Variants in SNX4 observed in about 807,000 individuals in gnomAD.
SNX4 encodes sorting nexin-4.
In SNX4, 49 loss-of-function variants were observed where a neutral mutation model predicts 70.8. That is an observed-to-expected ratio of 0.69 (90% CI 0.55 to 0.88). SNX4 has a LOEUF of 0.88. SNX4 is among the 40% of genes least tolerant of loss of function. The probability of loss-of-function intolerance (pLI) is 0.00; values close to 1 mark genes in which losing one functional copy is unlikely to be tolerated. For synonymous variants in SNX4, 206 were observed against 183.8 expected, an observed-to-expected ratio of 1.12 and a Z score of -0.98; for missense variants, 528 against 544.8, an observed-to-expected ratio of 0.97 and a Z score of 0.31.
chr3:125,448,598 A>G (rs1579966860), intron 13 of SNX4, among the ~76,000 whole-genome samples: 1 of 151,512 alleles, frequency 6.6e-6, no homozygotes, highest in South Asian at 2.1e-4. Flanking sequence ...GCACAGTTAT[A>G]GATGGCCTAA....
At chr3:125,463,661 TTAAAGTATAATTA>T (rs1468560069) in intron 9 of SNX4, among the ~76,000 whole-genome samples, 2 of 152,178 alleles carry the variant, frequency 1.3e-5, no homozygotes, top group Non-Finnish European at 2.9e-5. Context: ...TCTCCTAGCT[TTAAAGTATAATTA>T]AAGAACTGTA....
intron 2 of SNX4, among the ~76,000 whole-genome samples, chr3:125,499,502 A>T (rs1934878624): frequency 6.6e-6 from 1 of 152,338 alleles, no homozygotes; most frequent in South Asian, 2.1e-4. Context: ...ATGAAATGCA[A>T]AATTCACAAA....
At chr3:125,450,895 T>C (rs1933553529) in intron 13 of SNX4, among the ~76,000 whole-genome samples, 1 of 152,212 alleles carries the variant, frequency 6.6e-6, no homozygotes, top group South Asian at 2.1e-4. Context: ...GTATATATTC[T>C]CAAATACAAG....
intron 9 of SNX4, among the ~76,000 whole-genome samples, chr3:125,467,354 T>A (rs1934053726): frequency 6.6e-6 from 1 of 151,950 alleles, no homozygotes; most frequent in Admixed American, 6.6e-5. Context: ...GCCACGGCAC[T>A]CCAGCCTGGG....
intron 1 of SNX4, 80 bp downstream of exon 1, chr3:125,519,952 C>CGGCCA: frequency 9.0e-7 from 1 of 1,114,940 alleles, no homozygotes; most frequent in African/African-American, 1.7e-5. Context: ...CGGCCCGGCC[C>CGGCCA]AGCCCAGCCC....
chr3:125,477,136 T>C (rs1934305557), intron 7 of SNX4, among the ~76,000 whole-genome samples: 1 of 152,200 alleles, frequency 6.6e-6, no homozygotes, highest in Non-Finnish European at 1.5e-5. Context: ...GATTCAGTTA[T>C]TCTTAATTTT....
intron 10 of SNX4, 44 bp from the exon 11 acceptor site, chr3:125,457,409 A>C (rs749447557): frequency 7.0e-7 from 1 of 1,427,888 alleles, no homozygotes; most frequent in Non-Finnish European, 9.9e-7. Context: ...TTCCTTTAAC[A>C]TGTCAAACAT....
rs763677376 is a variant in SNX4, at chr3:125,497,817, A to T, written c.549+17T>A. 6 of 1,544,554 alleles carry T rather than the reference A, an allele frequency of 3.9e-6. No homozygotes were observed. The East Asian group carries it at 1.4e-4, about 35-fold the overall frequency. On this transcript the variant is annotated intron_variant, in intron 4 of 13. Coordinates refer to ENST00000251775, the MANE Select transcript of SNX4 (RefSeq NM_003794.4). ...ATTAAATGAATATTTTACTAAGACT[A>T]AATAAAAGAAAAATACCTGTGTTAA...
chr3:125,511,372 AT>A (rs1007489212), intron 1 of SNX4, among the ~76,000 whole-genome samples: 73 of 148,356 alleles, frequency 4.9e-4, no homozygotes, highest in South Asian at 1.1e-3. Flanking sequence ...AGTTAGCATA[AT>A]TTTTTTTTTT....
intron 5 of SNX4, among the ~76,000 whole-genome samples, chr3:125,496,807 ATAAAACT>A (rs1934802870): frequency 6.6e-6 from 1 of 152,202 alleles, no homozygotes; most frequent in African/African-American, 2.4e-5. Context: ...CCACTAACAG[ATAAAACT>A]TAGAACTATT....
At chr3:125,453,689 G>A (rs1225471378) in intron 12 of SNX4, 121 bp downstream of exon 12, 13 of 905,198 alleles carry the variant, frequency 1.4e-5, no homozygotes, top group Non-Finnish European at 2.1e-5. Flanking sequence ...TAAAGGAATA[G>A]GCTGTATTCA....
At chr3:125,486,767 T>C (rs543125094) in intron 6 of SNX4, among the ~76,000 whole-genome samples, 3 of 152,240 alleles carry the variant, frequency 2.0e-5, no homozygotes, top group Non-Finnish European at 2.9e-5. Flanking sequence ...AAGAAAAATA[T>C]ACAAGCCAGG....
Position 125,497,407 on chromosome 3 carries a change from T to C in SNX4, c.550-19A>G, listed in dbSNP as rs770731873. On this transcript the variant is annotated intron_variant, in intron 4 of 13. Coordinates refer to ENST00000251775, the MANE Select transcript of SNX4 (RefSeq NM_003794.4). ...TACCTTCCTAAAAATTGAAGTTAAT[T>C]TTAGAAATCATTATTGCAAAGCAAA... is the stretch of plus-strand genomic sequence containing the variant. The C allele has an allele frequency of 2.0e-6, 3 of 1,517,440 alleles. No individual in the cohort carries two copies. The highest frequency in any genetic ancestry group is 2.7e-6 in the Non-Finnish European group (3 of 1,092,958). The allele number at this position is 1,517,440 out of a possible 1,614,324, so 94.0% of individuals were successfully genotyped here.
chr3:125,453,075 T>C (rs1253307135), intron 12 of SNX4, among the ~76,000 whole-genome samples: 1 of 152,162 alleles, frequency 6.6e-6, no homozygotes, highest in Non-Finnish European at 1.5e-5. Flanking sequence ...AGTCAAACAG[T>C]GATAGTGGGT....
In SNX4 at chr3:125,451,301, C is replaced by A; in HGVS notation, c.1305+4G>T. On this transcript the variant is annotated splice_donor_region_variant and intron_variant, in intron 13 of 13. Transcript: ENST00000251775. ...TATCTTCACTGAAACAGGAAAAACC[C>A]TACCTTTTTGCACATACTGATCTGC... is the stretch of plus-strand genomic sequence containing the variant. The A allele has an allele frequency of 6.3e-7, 1 of 1,599,952 alleles. No homozygotes were observed. The highest frequency in any genetic ancestry group is 1.1e-5 in the South Asian group (1 of 89,814).
chr3:125,448,669 CTTTTT>C (rs921502028), intron 13 of SNX4, among the ~76,000 whole-genome samples: 3 of 95,374 alleles, frequency 3.1e-5, no homozygotes, highest in African/African-American at 8.9e-5. Context: ...GGGTTTTTTC[CTTTTT>C]TTTTTTTTTT....
intron 1 of SNX4, among the ~76,000 whole-genome samples, chr3:125,515,529 G>A (rs1012404077): frequency 6.6e-6 from 1 of 151,306 alleles, no homozygotes; most frequent in South Asian, 2.1e-4. Context: ...GTCAGGTATT[G>A]TGGTGTATGC....
At chr3:125,469,116 G>T (rs75596337) in intron 9 of SNX4, among the ~76,000 whole-genome samples, 1 of 152,068 alleles carries the variant, frequency 6.6e-6, no homozygotes, top group Non-Finnish European at 1.5e-5. Flanking sequence ...GTACAATATT[G>T]GCTATAAATT....
intron 9 of SNX4, among the ~76,000 whole-genome samples, chr3:125,464,942 A>C (rs1933972134): frequency 6.6e-6 from 1 of 151,852 alleles, no homozygotes; most frequent in South Asian, 2.1e-4. Flanking sequence ...ACAGGGATTC[A>C]CCATGTTGAC....
Sources: allele counts gnomAD v4.1 joint callset (sites outside exome capture counted in the v4.1 genomes callset), GRCh38; gene constraint gnomAD v4.1.1; transcripts MANE v1.5; gene names NCBI Gene and HGNC (gene_info 2026-07-23, HGNC 2026-07-21).